The following SPART variants were observed in gnomAD, a reference collection of about 807,000 sequenced individuals.
The protein encoded by SPART is spastic paraplegia 20 (Troyer syndrome).
A neutral mutation model predicts 58.7 loss-of-function variants in SPART; 35 were observed. The ratio of observed to expected loss-of-function variants is 0.60; its 90% CI spans 0.46 to 0.79. The LOEUF is 0.79. SPART is among the 30% of genes least tolerant of loss of function. The pLI is 0.00. For synonymous variants in SPART, 284 were observed against 280.7 expected (o/e 1.01, Z -0.12); for missense variants, 730 against 786.1 (o/e 0.93, Z 0.85).
intron 5 of SPART, among the ~76,000 whole-genome samples, chr13:36,317,301 G>C (rs913573458): frequency 6.6e-6 from 1 of 151,936 alleles, no homozygotes; most frequent in African/African-American, 2.4e-5. Flanking sequence ...TGCTTTTCTG[G>C]GGGAGGGGCA....
At chr13:36,357,235 T>G (rs1885654912) in intron 1 of SPART, among the ~76,000 whole-genome samples, 1 of 152,196 alleles carries the variant, frequency 6.6e-6, no homozygotes, top group Non-Finnish European at 1.5e-5. Flanking sequence ...TGGGACCTGC[T>G]TCCTGAGGAG....
intron 1 of SPART, chr13:36,369,498 C>T (rs1055315191): frequency 1.3e-5 from 2 of 152,190 alleles, no homozygotes; most frequent in African/African-American, 4.8e-5. Context: ...CTGCTGACGA[C>T]TGCCTGGAAT....
At chr13:36,331,323 T>C in intron 3 of SPART, 76 bp downstream of exon 3, 3 of 1,259,214 alleles carry the variant, frequency 2.4e-6, no homozygotes, top group South Asian at 1.2e-5. Flanking sequence ...GTAGAGGTTA[T>C]TACAATTTCT....
At chr13:36,305,386 T>C (rs769223375) in intron 8 of SPART, among the ~76,000 whole-genome samples, 8 of 152,194 alleles carry the variant, frequency 5.3e-5, no homozygotes, top group Non-Finnish European at 7.3e-5. Flanking sequence ...CTACATACTA[T>C]AGAACTTATT....
rs1185984647 is a variant in SPART at position 36,302,340 on chromosome 13, G to A, written c.*2025C>T. 6.6e-6 allele frequency: 1 copy of A among 152,146 alleles called. No individual in the cohort carries two copies. The highest frequency in any genetic ancestry group is 1.5e-5 in the Non-Finnish European group (1 of 68,012). 9.4% of individuals were successfully genotyped at this position (152,146 alleles called of 1,614,324 possible). A position where few individuals can be genotyped will look rare whatever the true frequency, so the allele number is the denominator to read the frequency against. ...AAAAGTCCATTTTCTATAGACTAAGGCAGCACACTTTTTCTGCAAAGGGCC... is the reference window on the plus strand; with the variant it reads ...AAAAGTCCATTTTCTATAGACTAAGACAGCACACTTTTTCTGCAAAGGGCC... On this transcript the variant is annotated 3_prime_UTR_variant, in exon 9 of 9. Coordinates refer to ENST00000438666, the MANE Select transcript of SPART (RefSeq NM_015087.5).
Position 36,314,425 on chromosome 13 carries a change from T to C in SPART, c.1289-4A>G. 6.2e-6 allele frequency: 10 copies of C among 1,614,068 alleles called. No individual in the cohort carries two copies. Among genetic ancestry groups the C allele is most frequent in the Non-Finnish European group, 8.5e-6 (10 of 1,179,978 alleles). On this transcript the variant is annotated splice_region_variant and splice_polypyrimidine_tract_variant and intron_variant, in intron 5 of 8. Coordinates refer to ENST00000438666, the MANE Select transcript of SPART (RefSeq NM_015087.5). ...CCCCAACTCACCCAGGAAGCACCTTTTTAAAAGAAAATTTAAAATTGCACA... is the reference window on the plus strand; with the variant it reads ...CCCCAACTCACCCAGGAAGCACCTTCTTAAAAGAAAATTTAAAATTGCACA...
intron 3 of SPART, among the ~76,000 whole-genome samples, chr13:36,330,021 T>G (rs953926239): frequency 6.6e-6 from 1 of 152,274 alleles, no homozygotes; most frequent in African/African-American, 2.4e-5. Flanking sequence ...ATGTTTACAG[T>G]TGAAGTTCTG....
chr13:36,348,512 G>A (rs540139406), upstream of SPART, among the ~76,000 whole-genome samples: 1 of 152,170 alleles, frequency 6.6e-6, no homozygotes, highest in African/African-American at 2.4e-5. Flanking sequence ...GTACATCAAG[G>A]ATTCAGGACA....
At position 36,314,218 on chromosome 13, in the gene SPART, T is replaced by C; in HGVS notation, c.1483+9A>G. ...CTTTAAAAAGTAAAGTTATCTAGAA[T>C]TACTTTACCCAGGAACTGACTGACT... On this transcript the variant is annotated intron_variant, in intron 6 of 8. Transcript: ENST00000438666. 1 of 1,613,494 alleles carries C rather than the reference T, an allele frequency of 6.2e-7. No individual in the cohort carries two copies. The highest frequency in any genetic ancestry group is 8.5e-7 in the Non-Finnish European group (1 of 1,179,630).
chr13:36,361,047 C>G (rs1885837644), intron 1 of SPART, among the ~76,000 whole-genome samples: 1 of 152,292 alleles, frequency 6.6e-6, no homozygotes, highest in East Asian at 1.9e-4. Flanking sequence ...AGCTAAAATT[C>G]ATGGTGTAAC....
chr13:36,335,262 T>C lies in SPART; in HGVS notation c.569A>G (p.Asp190Gly). ...EGHYTVSYGTDSGEFSSVGEE... is the reference protein window; with the variant it reads ...EGHYTVSYGTGSGEFSSVGEE... ...TCCAACTGATGAAAACTCCCCAGAA[T>C]CTGTTCCATAGGATACAGTGTAGTG... Residue 190 changes from aspartate (D) to glycine (G), a missense_variant, in exon 2 of 9, where the codon GAT becomes GGT. By Grantham distance (94) the Asp-to-Gly change is moderately conservative. Transcript: ENST00000438666. 1 of 1,614,134 alleles carries C rather than the reference T, an allele frequency of 6.2e-7. No individual in the cohort carries two copies. Among genetic ancestry groups the C allele is most frequent in the South Asian group, 1.1e-5 (1 of 91,076 alleles).
intron 1 of SPART, among the ~76,000 whole-genome samples, chr13:36,358,938 GT>G (rs1885728593): frequency 6.6e-6 from 1 of 152,090 alleles, no homozygotes; most frequent in Non-Finnish European, 1.5e-5. Flanking sequence ...AATAAATATT[GT>G]TTTGGGGGGC....
intron 1 of SPART, among the ~76,000 whole-genome samples, chr13:36,344,841 TAC>T (rs778548980): frequency 3.3e-5 from 5 of 152,236 alleles, no homozygotes; most frequent in African/African-American, 1.2e-4. Context: ...TACACCAGTG[TAC>T]AGTCTTCAAC....
At chr13:36,311,632 T>G (rs1259803345) in intron 8 of SPART, among the ~76,000 whole-genome samples, 1 of 152,200 alleles carries the variant, frequency 6.6e-6, no homozygotes, top group Non-Finnish European at 1.5e-5. Context: ...GAACAAATGT[T>G]TATAATGATT....
At chr13:36,311,925 T>TA (rs539716464) in intron 8 of SPART, among the ~76,000 whole-genome samples, 177 of 142,088 alleles carry the variant, frequency 1.2e-3, no homozygotes, top group African/African-American at 1.7e-3. Flanking sequence ...CCATTTCTAC[T>TA]AAAAAAAAAA....
At position 36,354,563 on chromosome 13, in the gene SPART, C is replaced by A. The variant is rs116085001; in HGVS notation, c.-3+15526G>T. Among the ~76,000 whole-genome samples the A allele has an allele frequency of 2.6e-3, 403 of 152,348 alleles. 1 individual carries two copies. The highest frequency in any genetic ancestry group is 9.1e-3 in the African/African-American group (380 of 41,576). ...ACACTTTGCACATGTTGTCATGCAT[C>A]ATTGCTAAAAGAATTAAGCATGCCT... On this transcript the variant is annotated intron_variant, in intron 1 of 8. Coordinates refer to the SPART transcript ENST00000355182.
At chr13:36,326,722 ATG>A (rs761291080) in intron 4 of SPART, 24 bp from the exon 5 acceptor site, 1 of 1,611,258 alleles carries the variant, frequency 6.2e-7, no homozygotes, top group Non-Finnish European at 8.5e-7. Context: ...ATGTTTCAAA[ATG>A]TGAAGAGTTA....
chr13:36,304,418 C>T lies in SPART; in HGVS notation c.1948G>A (p.Glu650Lys), dbSNP rs377290518. ...EGAANVNVRGEKDEQTKEVKE... is the reference protein window; with the variant it reads ...EGAANVNVRGKKDEQTKEVKE... ...ACTTCCTTCGTCTGCTCATCCTTCT[C>T]CCCTCTCACGTTGACATTTGCTGCT... The change falls in exon 9 of 9, where the codon GAG becomes AAG. Residue 650 changes from glutamate to lysine, a missense_variant. Physicochemically the swap from Glu to Lys is moderately conservative, Grantham distance 56 (BLOSUM62 1). Transcript: ENST00000438666. The T allele has an allele frequency of 1.8e-5, 29 of 1,613,996 alleles. No individual in the cohort carries two copies. The highest frequency in any genetic ancestry group is 2.4e-5 in the Non-Finnish European group (28 of 1,180,010).
chr13:36,317,775 A>G (rs1881894098), intron 5 of SPART, among the ~76,000 whole-genome samples: 2 of 151,772 alleles, frequency 1.3e-5, no homozygotes, highest in South Asian at 2.1e-4. Context: ...TCTTCAACTC[A>G]CACCTTACCT....
Sources: gnomAD v4.1 joint callset for allele counts (sites outside exome capture counted in the v4.1 genomes callset) on GRCh38, gnomAD v4.1.1 for gene constraint, MANE v1.5 for transcripts, NCBI Gene and HGNC (gene_info 2026-07-23, HGNC 2026-07-21) for gene names.